The following MROH2B variants were observed in gnomAD, a reference collection of about 807,000 sequenced individuals.
MROH2B encodes maestro heat like repeat family member 2B.
Under a neutral mutation model 208.6 loss-of-function variants are expected in MROH2B, and 177 were observed. The observed-to-expected ratio is 0.85, with a 90% CI of 0.75 to 0.96. The LOEUF is 0.96. Among genes scored for constraint, MROH2B ranks in the 40% least tolerant of loss-of-function variants. The pLI, the probability that MROH2B is intolerant of heterozygous loss-of-function variation, is 0.00. For synonymous variants in MROH2B, 728 were observed against 659.0 expected, an observed-to-expected ratio of 1.10 and a Z score of -1.60; for missense variants, 2,002 against 1,878.7, an observed-to-expected ratio of 1.07 and a Z score of -1.21.
rs2111843748 is a variant in MROH2B at position 41,012,748 on chromosome 5, C to A, written c.2983-13G>T. The A allele has an allele frequency of 1.2e-6, 2 of 1,612,610 alleles. No individual in the cohort carries two copies. The highest frequency in any genetic ancestry group is 1.1e-5 in the South Asian group (1 of 90,846). Reference sequence around the variant, plus strand: ...ACTTACTGACAATCTGAAAATGCACCCAGAAAGATTCGTGTAATCAACCAC... The same window carrying A: ...ACTTACTGACAATCTGAAAATGCACACAGAAAGATTCGTGTAATCAACCAC... On this transcript the variant is annotated splice_polypyrimidine_tract_variant and intron_variant, in intron 29 of 41. Transcript: ENST00000399564.
At chr5:41,023,386 A>C (rs1476359080) in intron 24 of MROH2B, among the ~76,000 whole-genome samples, 1 of 152,212 alleles carries the variant, frequency 6.6e-6, no homozygotes, top group South Asian at 2.1e-4. Flanking sequence ...CAAGAACTAC[A>C]TGATGAATGC....
chr5:41,029,836 A>G (rs1024134016), intron 24 of MROH2B, among the ~76,000 whole-genome samples: 1 of 152,046 alleles, frequency 6.6e-6, no homozygotes, highest in African/African-American at 2.4e-5. Context: ...AGTAAGGGTG[A>G]AAAAAACTAC....
At chr5:41,059,070 A>T (rs1471952311) in intron 6 of MROH2B, among the ~76,000 whole-genome samples, 3 of 150,394 alleles carry the variant, frequency 2.0e-5, no homozygotes, top group African/African-American at 7.3e-5. Flanking sequence ...AAAAAAAAGA[A>T]TCTTCACCGA....
intron 33 of MROH2B, among the ~76,000 whole-genome samples, chr5:41,008,389 T>G (rs1741661587): frequency 6.6e-6 from 1 of 152,200 alleles, no homozygotes; most frequent in Non-Finnish European, 1.5e-5. Context: ...GCATAGCCCC[T>G]TATTCTTTAA....
chr5:41,001,449 T>A (rs965452364), intron 37 of MROH2B, among the ~76,000 whole-genome samples: 2 of 152,104 alleles, frequency 1.3e-5, no homozygotes, highest in Admixed American at 1.3e-4. Flanking sequence ...CAGTGGCTCA[T>A]GCCTGTAATC....
chr5:41,012,871 A>C (rs2111844234), intron 29 of MROH2B, 136 bp from the exon 30 acceptor site: 1 of 1,061,690 alleles, frequency 9.4e-7, no homozygotes, highest in East Asian at 2.5e-5. Context: ...AGGCCACAGA[A>C]ACTAGAGAAA....
intron 21 of MROH2B, among the ~76,000 whole-genome samples, chr5:41,037,807 C>T (rs563009840): frequency 6.6e-6 from 1 of 152,282 alleles, no homozygotes; most frequent in Admixed American, 6.5e-5. Context: ...TTTCCCAAGA[C>T]CTACTGAACT....
At chr5:41,065,171 C>T (rs2150183090) in intron 4 of MROH2B, among the ~76,000 whole-genome samples, 160 bp downstream of exon 4, 1 of 152,288 alleles carries the variant, frequency 6.6e-6, no homozygotes, top group South Asian at 2.1e-4. Flanking sequence ...GCAGAATCAT[C>T]CATGCTCATT....
chr5:41,032,682 A>T, intron 24 of MROH2B, 60 bp downstream of exon 24: 2 of 1,380,080 alleles, frequency 1.4e-6, no homozygotes, highest in Non-Finnish European at 2.0e-6. Context: ...ATGTTAGTTG[A>T]TCAGGAGGAG....
At position 41,018,883 on chromosome 5, in the gene MROH2B, T is replaced by C; in HGVS notation, c.2577A>G (p.Gln859=). 2 of 1,613,902 alleles carry C rather than the reference T, an allele frequency of 1.2e-6. No individual in the cohort carries two copies. The highest frequency in any genetic ancestry group is 1.1e-5 in the South Asian group (1 of 91,080). Residue 859 remains glutamine, a splice_region_variant and synonymous_variant, in exon 25 of 42, where the codon CAA becomes CAG. Transcript: ENST00000399564. Reference sequence around the variant, plus strand: ...CTACTTAGGCCTCACTAGTGCATACTTGAATGTGCTCCTTGTCCTTGTCTG... The same window carrying C: ...CTACTTAGGCCTCACTAGTGCATACCTGAATGTGCTCCTTGTCCTTGTCTG... The part of the protein sequence containing the change: ...GQTDKDKEHI[Q]FLYERSMDAL...
Position 41,032,776 on chromosome 5 carries a change from G to A in MROH2B, c.2407C>T (p.Arg803Trp), listed in dbSNP as rs369098509. 3.7e-5 allele frequency: 59 copies of A among 1,612,580 alleles called. No homozygotes were observed. Among genetic ancestry groups the A allele is most frequent in the African/African-American group, 3.2e-4 (24 of 74,980 alleles). Residue 803 changes from arginine to tryptophan, a missense_variant, in exon 24 of 42, where the codon CGG (arginine) becomes TGG (tryptophan). Arg to Trp is a moderately radical substitution (Grantham distance 101). Coordinates refer to ENST00000399564, the MANE Select transcript of MROH2B (RefSeq NM_173489.5). ...EPLDSLASPI[R>W]WKALIAIRYL... is the part of the protein sequence containing the mutation. Reference sequence around the variant, plus strand: ...CTAATGGCGATTAAGGCTTTCCACCGAATAGGGCTAGCTAAGGAATCCAGG... The same window carrying A: ...CTAATGGCGATTAAGGCTTTCCACCAAATAGGGCTAGCTAAGGAATCCAGG...
At chr5:41,042,255 A>G (rs1742979438) in intron 18 of MROH2B, 47 bp from the exon 19 acceptor site, 1 of 1,173,204 alleles carries the variant, frequency 8.5e-7, no homozygotes, top group Non-Finnish European at 1.2e-6. Flanking sequence ...TTGGAAAGCA[A>G]GACTCTGATG....
chr5:40,999,477 G>C (rs998310530), intron 40 of MROH2B, among the ~76,000 whole-genome samples, 200 bp downstream of exon 40: 9 of 152,180 alleles, frequency 5.9e-5, no homozygotes, highest in Non-Finnish European at 2.9e-5. Flanking sequence ...AGTCAGGAGA[G>C]GTTATGAGTT....
intron 7 of MROH2B, among the ~76,000 whole-genome samples, chr5:41,057,684 G>T (rs1473537855): frequency 6.7e-6 from 1 of 150,310 alleles, no homozygotes; most frequent in Non-Finnish European, 1.5e-5. Context: ...AGCCTCCCGA[G>T]TAGCTGGGGC....
At chr5:41,051,138 G>T in intron 12 of MROH2B, 48 bp from the exon 13 acceptor site, 1 of 1,291,434 alleles carries the variant, frequency 7.7e-7, no homozygotes. Flanking sequence ...CCTAAGGTTG[G>T]TCCCCTCTGA....
At position 41,071,046 on chromosome 5, in the gene MROH2B, T is replaced by C. The variant is rs1318177296; in HGVS notation, c.-194A>G. On this transcript the variant is annotated 5_prime_UTR_variant, in exon 1 of 42. Transcript: ENST00000399564. ...GAGATGGGCTTGCTGTTGAAGTTGA[T>C]ACTGTATTCTACCACTATGACATTG... 6.9e-6 allele frequency: 4 copies of C among 578,984 alleles called. No homozygotes were observed. Among genetic ancestry groups the C allele is most frequent in the Non-Finnish European group, 1.2e-5 (4 of 326,530 alleles). 35.9% of individuals were successfully genotyped at this position (578,984 alleles called of 1,614,324 possible).
intron 34 of MROH2B, among the ~76,000 whole-genome samples, chr5:41,006,334 A>T (rs931490551): frequency 4.6e-5 from 7 of 152,274 alleles, no homozygotes; most frequent in Admixed American, 2.0e-4. Context: ...ATAATAATAA[A>T]AAAAAAGGTG....
chr5:41,013,237 G>T (rs1235786388), intron 29 of MROH2B, among the ~76,000 whole-genome samples: 1 of 152,152 alleles, frequency 6.6e-6, no homozygotes, highest in Non-Finnish European at 1.5e-5. Context: ...TATGAGCCTT[G>T]TTTCTTGCTC....
chr5:41,018,424 G>A lies in MROH2B; in HGVS notation c.2680C>T (p.Gln894Ter). ...TCTTTTTGTGAAACAAGCCACATTT[G>A]GAGAAGCTGTTGGTCAAAGAATAAA... The part of the protein sequence containing the change: ...EDCQEMFNLL[Q>*]MWLVSQKEWE... The change falls in exon 27 of 42, where the codon CAA (glutamine) becomes TAA (stop). Residue 894 changes from glutamine (Q) to a stop codon, truncating the protein, a stop_gained. Coordinates refer to ENST00000399564, the MANE Select transcript of MROH2B (RefSeq NM_173489.5). LOFTEE classifies it high-confidence loss of function. The A allele has an allele frequency of 6.2e-7, 1 of 1,612,464 alleles. No individual in the cohort carries two copies. Among genetic ancestry groups the A allele is most frequent in the Non-Finnish European group, 8.5e-7 (1 of 1,179,432 alleles).
Sources: allele counts gnomAD v4.1 joint callset (sites outside exome capture counted in the v4.1 genomes callset), GRCh38; gene constraint gnomAD v4.1.1; transcripts MANE v1.5; gene names NCBI Gene and HGNC (gene_info 2026-07-23, HGNC 2026-07-21).